YEATS2: variants seen among roughly 807,000 people sequenced by gnomAD.
YEATS2 encodes YEATS domain containing 2.
A neutral mutation model predicts 163.2 loss-of-function variants in YEATS2; 77 were observed. The ratio of observed to expected loss-of-function variants is 0.47; its 90% CI spans 0.39 to 0.57. YEATS2 has a LOEUF of 0.57. Ranked by LOEUF, YEATS2 falls within the 20% of genes least tolerant of loss-of-function variation. The probability of loss-of-function intolerance (pLI) is 0.00; values close to 1 mark genes in which losing one functional copy is unlikely to be tolerated. For missense variants in YEATS2, 1,549 were observed against 1,729.8 expected, an observed-to-expected ratio of 0.90 and a Z score of 1.85; for synonymous variants, 631 against 645.1, an observed-to-expected ratio of 0.98 and a Z score of 0.33.
rs1478648310 is a variant in YEATS2, at chr3:183,756,578, T to C, written c.1441T>C (p.Ser481Pro). 9 of 1,606,760 alleles carry C rather than the reference T, an allele frequency of 5.6e-6. No homozygotes were observed. In the South Asian group the frequency reaches 1.0e-4, roughly 18 times the overall value. Residue 481 changes from serine to proline, a missense_variant, in exon 12 of 31, where the codon TCC (serine) becomes CCC (proline). Physicochemically the swap from Ser to Pro is moderately conservative, Grantham distance 74. Coordinates refer to ENST00000305135, the MANE Select transcript of YEATS2 (RefSeq NM_018023.5). Reference protein sequence around the residue: ...SPSPLPRTPTSTPVHVKQGTA... With the variant: ...SPSPLPRTPTPTPVHVKQGTA... Reference sequence around the variant, plus strand: ...ATCACCATTGCCTCGAACCCCGACTTCCACTCCAGTCCACGTGAAGCAAGG... The same window carrying C: ...ATCACCATTGCCTCGAACCCCGACTCCCACTCCAGTCCACGTGAAGCAAGG...
intron 1 of YEATS2, among the ~76,000 whole-genome samples, chr3:183,707,784 A>G (rs1714771597): frequency 6.6e-6 from 1 of 150,522 alleles, no homozygotes. Flanking sequence ...CCCGGGTTCA[A>G]GCAATTCTCC....
chr3:183,786,044 G>A (rs1724032323), intron 19 of YEATS2, 81 bp from the exon 20 acceptor site: 12 of 1,471,538 alleles, frequency 8.2e-6, no homozygotes, highest in South Asian at 2.6e-5. Flanking sequence ...GTCATGGGGC[G>A]TATCTCAGCT....
chr3:183,718,610 C>CCAGT lies in YEATS2; in HGVS notation c.291+21_291+24dup, dbSNP rs755114365. On this transcript the variant is annotated intron_variant, in intron 4 of 30. Transcript: ENST00000305135. ...TTTCTGAGGTAAGCATTCCTCATACCCAGTCATTTTCCAGCCACTCATATT... is the reference window on the plus strand; with the variant it reads ...TTTCTGAGGTAAGCATTCCTCATACCCAGTCAGTCATTTTCCAGCCACTCATATT... The CCAGT allele has an allele frequency of 6.3e-7, 1 of 1,575,468 alleles. No individual in the cohort carries two copies. The highest frequency in any genetic ancestry group is 2.3e-5 in the East Asian group (1 of 44,272).
At chr3:183,805,892 A>G (rs1274821468) in intron 27 of YEATS2, among the ~76,000 whole-genome samples, 1 of 152,094 alleles carries the variant, frequency 6.6e-6, no homozygotes, top group East Asian at 1.9e-4. Flanking sequence ...CTTAATATCA[A>G]CAGCATGAGG....
chr3:183,710,983 A>G (rs758534912), intron 1 of YEATS2, among the ~76,000 whole-genome samples: 18 of 152,048 alleles, frequency 1.2e-4, no homozygotes, highest in Non-Finnish European at 2.4e-4. Flanking sequence ...GGCTATATCC[A>G]CCTCTGATTC....
intron 19 of YEATS2, among the ~76,000 whole-genome samples, chr3:183,783,591 C>T (rs1723781023): frequency 6.6e-6 from 1 of 152,146 alleles, no homozygotes; most frequent in African/African-American, 2.4e-5. Context: ...CTATTGTGGC[C>T]ATCTTTGTGT....
At chr3:183,796,034 G>A (rs977053353) in intron 21 of YEATS2, among the ~76,000 whole-genome samples, 2 of 144,400 alleles carry the variant, frequency 1.4e-5, no homozygotes, top group Admixed American at 1.4e-4. Context: ...CCAGGCTGGA[G>A]TGCAATGGCG....
Position 183,761,611 on chromosome 3 carries a change from A to C in YEATS2, c.1761A>C (p.Thr587=), listed in dbSNP as rs1358452202. The C allele has an allele frequency of 6.2e-7, 1 of 1,613,464 alleles. No homozygotes were observed. Among genetic ancestry groups the C allele is most frequent in the African/African-American group, 1.3e-5 (1 of 74,922 alleles). Residue 587 remains threonine, a synonymous_variant, in exon 14 of 31, where the codon ACA becomes ACC. Transcript: ENST00000305135. ...TAACAGGAGGACTTGGAGCTTTCAC[A>C]AAAGTGAGTATGTATTAGGGCATTG... ...KPITGGLGAF[T]KVIIKQEPGE...
chr3:183,721,981 C>T lies in YEATS2; in HGVS notation c.382C>T (p.Gln128Ter). 1 of 1,614,164 alleles carries T rather than the reference C, an allele frequency of 6.2e-7. No individual in the cohort carries two copies. Among genetic ancestry groups the T allele is most frequent in the Admixed American group, 1.7e-5 (1 of 60,026 alleles). The change falls in exon 5 of 31, where the codon CAG (glutamine) becomes TAG (stop). Residue 128 changes from glutamine (Q) to a stop codon, truncating the protein, a stop_gained. Transcript: ENST00000305135. LOFTEE classifies it high-confidence loss of function. ...SPSRSSSPAN[Q>*]RAETPSANHS... The stretch of plus-strand genomic sequence containing the variant: ...ATCTAGGTCATCATCTCCTGCCAAT[C>T]AGAGAGCAGAAACACCATCAGCCAA...
chr3:183,748,002 C>T (rs377512518), intron 9 of YEATS2, among the ~76,000 whole-genome samples: 15 of 150,466 alleles, frequency 1.0e-4, no homozygotes, highest in Admixed American at 4.6e-4. Context: ...TGCACCTGGC[C>T]GATCTTCATT....
chr3:183,713,049 C>T (rs986160124), intron 1 of YEATS2, among the ~76,000 whole-genome samples: 11 of 152,124 alleles, frequency 7.2e-5, no homozygotes, highest in South Asian at 2.1e-4. Context: ...GCGTGAGCCA[C>T]CTTGCCTGTA....
intron 21 of YEATS2, among the ~76,000 whole-genome samples, chr3:183,791,559 C>G (rs753795101): frequency 3.5e-4 from 54 of 152,204 alleles, no homozygotes; most frequent in Non-Finnish European, 6.2e-4. Flanking sequence ...GGTATTTTAG[C>G]TTTTTTTATA....
At chr3:183,751,932 A>G (rs1720207176) in intron 9 of YEATS2, 141 bp from the exon 10 acceptor site, 9 of 853,900 alleles carry the variant, frequency 1.1e-5, no homozygotes, top group Non-Finnish European at 1.7e-5. Context: ...TAAATCCTTT[A>G]GTTCTTCAGA....
Position 183,752,186 on chromosome 3 carries a change from C to G in YEATS2, c.1083C>G (p.Ala361=), listed in dbSNP as rs1442683261. Reference sequence around the variant, plus strand: ...CATCTTTGCCTTTGACCATTCCAGCCCCAGTGAAAGCTTCTTCACCAATAA... The same window carrying G: ...CATCTTTGCCTTTGACCATTCCAGCGCCAGTGAAAGCTTCTTCACCAATAA... The part of the protein sequence containing the change: ...APPSLPLTIP[A]PVKASSPIKQ... Residue 361 remains alanine (A), a synonymous_variant, in exon 10 of 31, where the codon GCC becomes GCG. Coordinates refer to ENST00000305135, the MANE Select transcript of YEATS2 (RefSeq NM_018023.5). 3.1e-6 allele frequency: 5 copies of G among 1,614,152 alleles called. No homozygotes were observed. The South Asian group carries it at 5.5e-5, about 18-fold the overall frequency.
chr3:183,786,231 T>C lies in YEATS2; in HGVS notation c.2843T>C (p.Val948Ala), dbSNP rs1160980534. The C allele has an allele frequency of 8.1e-6, 13 of 1,613,810 alleles. No individual in the cohort carries two copies. The highest frequency in any genetic ancestry group is 1.0e-5 in the Non-Finnish European group (12 of 1,179,942). ...AAGCCTGGAACCACAATGCTGAGAG[T>C]AGCAGGAGGGGTTATCACAACTGCC... ...LSKPGTTMLRVAGGVITTATS... is the reference protein window; with the variant it reads ...LSKPGTTMLRAAGGVITTATS... The change falls in exon 20 of 31, where the codon GTA (valine) becomes GCA (alanine). Residue 948 changes from valine to alanine, a missense_variant. Coordinates refer to ENST00000305135, the MANE Select transcript of YEATS2 (RefSeq NM_018023.5).
chr3:183,765,701 C>T (rs199683288), intron 15 of YEATS2, among the ~76,000 whole-genome samples: 2 of 151,902 alleles, frequency 1.3e-5, no homozygotes, highest in East Asian at 3.8e-4. Context: ...AATTCCAGCA[C>T]TTTAGGAGGC....
At chr3:183,720,975 C>T (rs930369452) in intron 4 of YEATS2, among the ~76,000 whole-genome samples, 3 of 152,136 alleles carry the variant, frequency 2.0e-5, no homozygotes, top group Non-Finnish European at 2.9e-5. Context: ...TTCTTATAAG[C>T]GAGGAGGACT....
intron 9 of YEATS2, among the ~76,000 whole-genome samples, chr3:183,750,953 T>C (rs1465735908): frequency 6.6e-6 from 1 of 152,226 alleles, no homozygotes; most frequent in Non-Finnish European, 1.5e-5. Context: ...TTTTTAAGTT[T>C]GATGTCCCGT....
At chr3:183,807,571 A>G in intron 28 of YEATS2, 1 of 211,648 alleles carries the variant, frequency 4.7e-6, no homozygotes, top group Non-Finnish European at 9.6e-6. Context: ...AGAGGTATTT[A>G]TCCACCCTGC....
Sources: gnomAD v4.1 joint callset for allele counts (sites outside exome capture counted in the v4.1 genomes callset) on GRCh38, gnomAD v4.1.1 for gene constraint, MANE v1.5 for transcripts, NCBI Gene and HGNC (gene_info 2026-07-23, HGNC 2026-07-21) for gene names.